The following PRKN variants were observed in gnomAD, a reference collection of about 807,000 sequenced individuals.
The protein encoded by PRKN is parkin RBR E3 ubiquitin protein ligase.
PRKN carries 56 observed loss-of-function variants against 59.5 expected under a neutral mutation model. The ratio of observed to expected loss-of-function variants is 0.94; its 90% CI spans 0.76 to 1.18. The LOEUF (loss-of-function observed/expected upper bound fraction) is 1.18, where lower values mean the gene tolerates loss of function less well. PRKN is among the 50% of genes most tolerant of loss of function. PRKN has a pLI of 0.00. For synonymous variants in PRKN, 250 were observed against 222.1 expected (o/e 1.13, Z -1.12); for missense variants, 657 against 596.4 (o/e 1.10, Z -1.06).
Position 162,244,423 on chromosome 6 carries a change from CAAGTTCACAAAATT to C in PRKN, c.412+18088_412+18101del, listed in dbSNP as rs370514678. Among the ~76,000 whole-genome samples the C allele has an allele frequency of 1.9e-3, 283 of 152,084 alleles. 2 individuals carry two copies. Among genetic ancestry groups the C allele is most frequent in the African/African-American group, 6.5e-3 (270 of 41,534 alleles). ...ATGGGTCTAAGATAGTTTGGAAACC[CAAGTTCACAAAATT>C]GTGTTTAAAAATATATAAAAGGATT... On this transcript the variant is annotated intron_variant, in intron 3 of 11. Coordinates refer to ENST00000366898, the MANE Select transcript of PRKN (RefSeq NM_004562.3).
chr6:162,603,248 G>A (rs898787733), intron 1 of PRKN, among the ~76,000 whole-genome samples: 10 of 152,126 alleles, frequency 6.6e-5, no homozygotes, highest in South Asian at 2.1e-4. Context: ...AACAGTCTGC[G>A]AATTCCTACA....
chr6:161,513,360 C>A (rs1044163461), intron 9 of PRKN, among the ~76,000 whole-genome samples: 1 of 152,096 alleles, frequency 6.6e-6, no homozygotes, highest in Non-Finnish European at 1.5e-5. Flanking sequence ...CCTGCCTCAG[C>A]CTCCCGGGTA....
chr6:161,384,088 A>T (rs1019232546), intron 10 of PRKN, among the ~76,000 whole-genome samples: 1 of 152,082 alleles, frequency 6.6e-6, no homozygotes, highest in African/African-American at 2.4e-5. Context: ...ATGTGGATTA[A>T]CTATACCTCC....
Position 162,173,548 on chromosome 6 carries a change from TTTA to T in PRKN, c.534+27580_534+27582del, listed in dbSNP as rs1342508575. Among the ~76,000 whole-genome samples, 905 of 151,686 alleles carry T rather than the reference TTTA, an allele frequency of 6.0e-3. 10 individuals are homozygous for T. The highest frequency in any genetic ancestry group is 0.021 in the African/African-American group (858 of 41,422). ...TTTTGATGCAGCTTTTTTTTTTTTT[TTTA>T]AATTAAACAGACTTTCTCACTAAAT... On this transcript the variant is annotated intron_variant, in intron 4 of 11. Coordinates refer to ENST00000366898, the MANE Select transcript of PRKN (RefSeq NM_004562.3).
intron 7 of PRKN, among the ~76,000 whole-genome samples, chr6:161,598,778 C>T (rs181521940): frequency 3.2e-3 from 489 of 152,276 alleles, no homozygotes; most frequent in Middle Eastern, 6.8e-3. Context: ...TTCCAACTAT[C>T]CTTTTTCTTT....
intron 1 of PRKN, among the ~76,000 whole-genome samples, chr6:162,515,958 A>G (rs935573085): frequency 1.3e-5 from 2 of 152,230 alleles, no homozygotes; most frequent in African/African-American, 4.8e-5. Flanking sequence ...TGAAGTATCA[A>G]TTAAAATGCA....
intron 7 of PRKN, among the ~76,000 whole-genome samples, chr6:161,778,265 A>C (rs980978111): frequency 6.6e-6 from 1 of 152,132 alleles, no homozygotes; most frequent in South Asian, 2.1e-4. Flanking sequence ...ACAACCACCA[A>C]ACAAATTCAA....
intron 5 of PRKN, among the ~76,000 whole-genome samples, chr6:162,014,721 T>G (rs1386571289): frequency 6.6e-6 from 1 of 152,048 alleles, no homozygotes; most frequent in Admixed American, 6.6e-5. Flanking sequence ...TGGCTCTCTC[T>G]CCCAGCTGAG....
chr6:162,105,397 T>C (rs1396185460), intron 4 of PRKN, among the ~76,000 whole-genome samples: 1 of 152,130 alleles, frequency 6.6e-6, no homozygotes, highest in Non-Finnish European at 1.5e-5. Flanking sequence ...TCTACAAATA[T>C]AAATAAAATA....
chr6:162,274,168 T>TATTAATTA (rs1448292234), intron 2 of PRKN, among the ~76,000 whole-genome samples: 108 of 151,512 alleles, frequency 7.1e-4, no homozygotes, highest in African/African-American at 2.6e-3. Flanking sequence ...TTAATTAATT[T>TATTAATTA]ATTAATTTAT....
intron 1 of PRKN, among the ~76,000 whole-genome samples, chr6:162,454,687 A>T (rs1197402948): frequency 1.3e-5 from 2 of 152,186 alleles, no homozygotes; most frequent in Admixed American, 1.3e-4. Context: ...CTTCAAACAG[A>T]TATGTCTGGA....
At chr6:162,655,855 T>C (rs1778623040) in intron 1 of PRKN, among the ~76,000 whole-genome samples, 1 of 152,156 alleles carries the variant, frequency 6.6e-6, no homozygotes. Flanking sequence ...GAGAGATAAC[T>C]ATGCTGAGTG....
chr6:162,052,445 C>A (rs1007559640), intron 5 of PRKN, among the ~76,000 whole-genome samples: 11 of 152,062 alleles, frequency 7.2e-5, no homozygotes, highest in African/African-American at 2.4e-4. Flanking sequence ...TTGAATTCTG[C>A]TCACTCTTAT....
intron 2 of PRKN, among the ~76,000 whole-genome samples, chr6:162,391,272 A>C (rs1252388814): frequency 8.3e-5 from 12 of 144,686 alleles, no homozygotes; most frequent in African/African-American, 7.7e-5. Context: ...GGATTTCGAA[A>C]ATCTGCAATG....
intron 3 of PRKN, among the ~76,000 whole-genome samples, chr6:162,208,596 A>C (rs1785058143): frequency 6.6e-6 from 1 of 152,200 alleles, no homozygotes. Context: ...CTGTAGAGTG[A>C]AGCAAAATTT....
intron 1 of PRKN, among the ~76,000 whole-genome samples, chr6:162,464,700 G>A (rs1000116240): frequency 4.6e-4 from 70 of 151,226 alleles, no homozygotes; most frequent in Non-Finnish European, 9.7e-4. Context: ...GTGGTGGCGG[G>A]CGCCTGTAGT....
chr6:161,761,094 A>C (rs9355931), intron 7 of PRKN, among the ~76,000 whole-genome samples: 82,617 of 152,130 alleles, frequency 0.54, 22,493 homozygotes, highest in East Asian at 0.57. Flanking sequence ...AATTACTGAA[A>C]ATTAATGTCC....
intron 5 of PRKN, among the ~76,000 whole-genome samples, chr6:162,036,833 T>A (rs1783869317): frequency 1.3e-5 from 2 of 151,744 alleles, no homozygotes; most frequent in African/African-American, 4.8e-5. Context: ...TTTCTTATAC[T>A]TACTGTAAGA....
At chr6:162,422,886 C>T (rs1351513635) in intron 2 of PRKN, among the ~76,000 whole-genome samples, 5 of 137,574 alleles carry the variant, frequency 3.6e-5, no homozygotes, top group African/African-American at 1.4e-4. Context: ...GCAGAGGTTG[C>T]AGTGAGCCGA....
Sources: allele counts gnomAD v4.1 joint callset (sites outside exome capture counted in the v4.1 genomes callset), GRCh38; gene constraint gnomAD v4.1.1; transcripts MANE v1.5; gene names NCBI Gene and HGNC (gene_info 2026-07-23, HGNC 2026-07-21).